ANKRD17: variants seen among roughly 807,000 people sequenced by gnomAD.
The protein encoded by ANKRD17 is ankyrin repeat domain 17.
In ANKRD17, 19 loss-of-function variants were observed where a neutral mutation model predicts 229.7. The observed-to-expected ratio is 0.08, with a 90% CI of 0.06 to 0.12. ANKRD17 has a LOEUF of 0.12. ANKRD17 is among the 10% of genes least tolerant of loss of function. ANKRD17 has a pLI of 1.00. For missense variants in ANKRD17, 2,176 were observed against 3,176.8 expected (o/e 0.68, Z 7.57); for synonymous variants, 1,112 against 1,146.1 (o/e 0.97, Z 0.60).
At chr4:73,120,748 G>T in intron 20 of ANKRD17, 133 bp downstream of exon 20, 1 of 766,332 alleles carries the variant, frequency 1.3e-6, no homozygotes, top group Non-Finnish European at 2.0e-6. Context: ...TATACAGAAT[G>T]ATTTCTAATT....
At chr4:73,185,850 A>G (rs575527378) in intron 1 of ANKRD17, among the ~76,000 whole-genome samples, 8 of 152,200 alleles carry the variant, frequency 5.3e-5, no homozygotes, top group African/African-American at 1.9e-4. Flanking sequence ...AATATGAAAT[A>G]CATTTTACAT....
At position 73,098,174 on chromosome 4, in the gene ANKRD17, T is replaced by C. The variant is rs1578038099; in HGVS notation, c.4920A>G (p.Pro1640=). ...TGCTCACAGTGGTAGTGACCACAGCTGGTGAATGATTGTCACTCTTACGAC... is the reference window on the plus strand; with the variant it reads ...TGCTCACAGTGGTAGTGACCACAGCCGGTGAATGATTGTCACTCTTACGAC... ...NSSRKSDNHS[P]AVVTTTVSSK... Residue 1640 remains proline (P), a synonymous_variant, in exon 26 of 34, where the codon CCA becomes CCG. Coordinates refer to ENST00000358602, the MANE Select transcript of ANKRD17 (RefSeq NM_032217.5). The C allele has an allele frequency of 6.2e-7, 1 of 1,614,232 alleles. No homozygotes were observed. Among genetic ancestry groups the C allele is most frequent in the East Asian group, 2.2e-5 (1 of 44,892 alleles).
At chr4:73,119,477 C>T (rs374885706) in intron 21 of ANKRD17, among the ~76,000 whole-genome samples, 13 of 152,240 alleles carry the variant, frequency 8.5e-5, no homozygotes, top group African/African-American at 2.6e-4. Context: ...AAGTTCCATA[C>T]TTTGGAGCTT....
intron 27 of ANKRD17, among the ~76,000 whole-genome samples, chr4:73,095,721 C>T (rs138629123): frequency 1.3e-3 from 190 of 151,104 alleles, no homozygotes; most frequent in African/African-American, 4.4e-3. Context: ...GACAGAGTCT[C>T]GTTCTGTACC....
chr4:73,254,993 GTCAC>G (rs879268892), intron 1 of ANKRD17, among the ~76,000 whole-genome samples: 2 of 152,090 alleles, frequency 1.3e-5, no homozygotes, highest in African/African-American at 2.4e-5. Flanking sequence ...ATATTGGTCA[GTCAC>G]TCACTGAAAA....
intron 1 of ANKRD17, among the ~76,000 whole-genome samples, chr4:73,191,244 A>AT (rs1238408865): frequency 6.6e-6 from 1 of 152,072 alleles, no homozygotes; most frequent in Non-Finnish European, 1.5e-5. Context: ...TAAAGGTAAG[A>AT]TTTCAAGTCA....
intron 1 of ANKRD17, among the ~76,000 whole-genome samples, chr4:73,185,894 AGTG>A (rs1736234576): frequency 6.6e-6 from 1 of 152,064 alleles, no homozygotes; most frequent in African/African-American, 2.4e-5. Flanking sequence ...AATATTAAAA[AGTG>A]AATAGAAAAA....
At chr4:73,225,884 AAG>A (rs1236733933) in intron 1 of ANKRD17, among the ~76,000 whole-genome samples, 22 of 147,050 alleles carry the variant, frequency 1.5e-4, no homozygotes, top group South Asian at 6.5e-4. Context: ...AAAAAAAAAA[AAG>A]AAAGAAAAGA....
At chr4:73,152,756 A>G (rs1178074039) in intron 6 of ANKRD17, among the ~76,000 whole-genome samples, 1 of 151,972 alleles carries the variant, frequency 6.6e-6, no homozygotes, top group East Asian at 1.9e-4. Context: ...GAGCCACCCA[A>G]TCAACCCACT....
intron 1 of ANKRD17, among the ~76,000 whole-genome samples, chr4:73,229,743 T>TC (rs1299625445): frequency 6.6e-6 from 1 of 151,650 alleles, no homozygotes; most frequent in Non-Finnish European, 1.5e-5. Flanking sequence ...AAATACAAAT[T>TC]CCCCCCAATA....
intron 1 of ANKRD17, among the ~76,000 whole-genome samples, chr4:73,241,582 TACTC>T (rs1388697714): frequency 6.6e-6 from 1 of 152,142 alleles, no homozygotes; most frequent in African/African-American, 2.4e-5. Context: ...ATAAACCACT[TACTC>T]TAACTTCTTT....
intron 1 of ANKRD17, among the ~76,000 whole-genome samples, chr4:73,202,481 A>G (rs776240385): frequency 1.3e-5 from 2 of 152,156 alleles, no homozygotes; most frequent in African/African-American, 2.4e-5. Context: ...AAACTAAACA[A>G]TTATAGAAAC....
chr4:73,185,115 C>T lies in ANKRD17; in HGVS notation c.394-7582G>A, dbSNP rs138993795. ...TTTATAAAAGTAAAATGCTGGCAAC[C>T]GCAAAATTTAGACTTCTTTACATTC... On this transcript the variant is annotated intron_variant, in intron 1 of 33. Transcript: ENST00000358602. Among the ~76,000 whole-genome samples the T allele has an allele frequency of 4.4e-3, 668 of 151,870 alleles. 5 individuals are homozygous for T. Among genetic ancestry groups the T allele is most frequent in the African/African-American group, 0.015 (640 of 41,458 alleles).
chr4:73,133,123 G>C (rs7662207), intron 16 of ANKRD17, among the ~76,000 whole-genome samples: 226 of 151,942 alleles, frequency 1.5e-3, no homozygotes, highest in African/African-American at 5.3e-3. Context: ...GATGGTGGGC[G>C]CCTGTAATCC....
Position 73,098,101 on chromosome 4 carries a change from T to C in ANKRD17, c.4993A>G (p.Lys1665Glu). Residue 1665 changes from lysine to glutamate, a missense_variant, in exon 26 of 34, where the codon AAA (lysine) becomes GAA (glutamate). This residue lies in a region of ANKRD17 where 98 missense variants were observed against 101.0 expected (regional missense o/e 0.97). Coordinates refer to ENST00000358602, the MANE Select transcript of ANKRD17 (RefSeq NM_032217.5). ...VLVTFPKEER[K>E]SVSGKASIKL... The stretch of plus-strand genomic sequence containing the variant: ...ATTGAAGCCTTGCCAGAAACAGATT[T>C]TCTCTCTTCCTTTGGAAATGTAACA... The C allele has an allele frequency of 6.2e-7, 1 of 1,603,440 alleles. No individual in the cohort carries two copies.
chr4:73,181,443 T>C (rs1174881606), intron 1 of ANKRD17, among the ~76,000 whole-genome samples: 1 of 152,136 alleles, frequency 6.6e-6, no homozygotes, highest in Non-Finnish European at 1.5e-5. Flanking sequence ...CCTCCTTTAA[T>C]TCCAGTTCCT....
At chr4:73,238,211 C>T (rs1433646814) in intron 1 of ANKRD17, among the ~76,000 whole-genome samples, 4 of 151,940 alleles carry the variant, frequency 2.6e-5, no homozygotes, top group Non-Finnish European at 4.4e-5. Flanking sequence ...AATATTTTCA[C>T]AAACATTAGG....
chr4:73,076,046 G>C lies in ANKRD17; in HGVS notation c.*185C>G. The C allele has an allele frequency of 2.1e-6, 1 of 465,566 alleles. No individual in the cohort carries two copies. The highest frequency in any genetic ancestry group is 3.9e-6 in the Non-Finnish European group (1 of 256,458). 28.8% of individuals were successfully genotyped at this position (465,566 alleles called of 1,614,324 possible). On this transcript the variant is annotated 3_prime_UTR_variant, in exon 34 of 34. Transcript: ENST00000358602. ...TGCTAACTAAGGTAAAACGGATGAT[G>C]ATGGGGAATGGGCAGTCACAAATGT...
intron 16 of ANKRD17, among the ~76,000 whole-genome samples, chr4:73,125,517 G>A (rs781714250): frequency 2.0e-5 from 3 of 152,134 alleles, no homozygotes; most frequent in Middle Eastern, 3.4e-3. Flanking sequence ...GGCAGATCAC[G>A]AGGTCAAGAG....
Sources: allele counts gnomAD v4.1 joint callset (sites outside exome capture counted in the v4.1 genomes callset), GRCh38; gene constraint gnomAD v4.1.1; regional missense constraint gnomAD v4.1.1; transcripts MANE v1.5; gene names NCBI Gene and HGNC (gene_info 2026-07-23, HGNC 2026-07-21).